Variants in ABI3BP observed in about 807,000 individuals in gnomAD.
The protein encoded by ABI3BP is ABI family member 3 binding protein, also known as target of Nesh-SH3.
ABI3BP carries 216 observed loss-of-function variants against 268.6 expected under a neutral mutation model. The ratio of observed to expected loss-of-function variants is 0.80; its 90% CI spans 0.72 to 0.90. ABI3BP has a LOEUF of 0.90. Among genes scored for constraint, ABI3BP ranks in the 40% least tolerant of loss-of-function variants. ABI3BP has a pLI of 0.00. For missense variants in ABI3BP, 2,090 were observed against 2,182.4 expected (o/e 0.96, Z 0.84); for synonymous variants, 730 against 730.0 (o/e 1.00, Z 0.00).
chr3:100,820,295 T>G lies in ABI3BP; in HGVS notation c.2956A>C (p.Thr986Pro). The part of the protein sequence containing the change: ...ETWVTTQAPK[T>P]SQRTRRPRPK... ...CGTGGACGACGAGTTCGTTGTGATG[T>G]TTTAGGAGCTGAAGAAAGAAAACCT... is the stretch of plus-strand genomic sequence containing the variant. Residue 986 changes from threonine (T) to proline (P), a missense_variant, in exon 40 of 68, where the codon ACA becomes CCA. Thr to Pro is a conservative substitution (Grantham distance 38, BLOSUM62 -1). Coordinates refer to ENST00000471714, the MANE Select transcript of ABI3BP (RefSeq NM_001375547.2). The G allele has an allele frequency of 1.3e-6, 2 of 1,535,692 alleles. No homozygotes were observed. The highest frequency in any genetic ancestry group is 1.7e-6 in the Non-Finnish European group (2 of 1,146,618).
intron 14 of ABI3BP, among the ~76,000 whole-genome samples, chr3:100,853,686 A>G (rs1443285837): frequency 6.6e-6 from 1 of 152,084 alleles, no homozygotes; most frequent in Non-Finnish European, 1.5e-5. Context: ...CATATTTACA[A>G]TTTCTTTTCA....
intron 4 of ABI3BP, among the ~76,000 whole-genome samples, chr3:100,896,752 G>A (rs140332897): frequency 1.3e-5 from 2 of 152,070 alleles, no homozygotes; most frequent in Admixed American, 6.5e-5. Context: ...TCACAAGGAG[G>A]CATGTTCTTT....
At chr3:100,809,791 A>T (rs1356414173) in intron 49 of ABI3BP, among the ~76,000 whole-genome samples, 1 of 152,150 alleles carries the variant, frequency 6.6e-6, no homozygotes, top group Non-Finnish European at 1.5e-5. Flanking sequence ...AACAAGAAGC[A>T]TATTTAGTTA....
intron 14 of ABI3BP, among the ~76,000 whole-genome samples, chr3:100,854,597 A>G (rs2098917898): frequency 6.6e-6 from 1 of 152,262 alleles, no homozygotes; most frequent in African/African-American, 2.4e-5. Flanking sequence ...CCTGTAAATT[A>G]TCATATATTA....
In ABI3BP at chr3:100,906,381, T is replaced by C. The variant is rs2053452031; in HGVS notation, c.260-3695A>G. 2.0e-5 allele frequency among the ~76,000 whole-genome samples: 3 copies of C among 152,242 alleles called. No homozygotes were observed. In the South Asian group the frequency reaches 6.2e-4, roughly 31 times the overall value. On this transcript the variant is annotated intron_variant, in intron 2 of 67. Transcript: ENST00000471714. Reference sequence around the variant, plus strand: ...TGCATGTGTTGGCTCTTACTGCTCATTAAATATTTCCAACATACACATATT... The same window carrying C: ...TGCATGTGTTGGCTCTTACTGCTCACTAAATATTTCCAACATACACATATT...
At chr3:100,871,158 A>T (rs940152115) in intron 9 of ABI3BP, among the ~76,000 whole-genome samples, 5 of 152,246 alleles carry the variant, frequency 3.3e-5, no homozygotes, top group African/African-American at 1.2e-4. Context: ...AAGTGTTAAG[A>T]TTTTTGGTAC....
At chr3:100,884,763 A>G (rs553240853) in intron 6 of ABI3BP, among the ~76,000 whole-genome samples, 87 of 128,730 alleles carry the variant, frequency 6.8e-4, no homozygotes, top group African/African-American at 2.2e-3. Flanking sequence ...TTCTCACCGA[A>G]CTGCCTCCTC....
In ABI3BP at chr3:100,752,889, T is replaced by TA. The variant is rs2095414573; in HGVS notation, c.5019dup (p.Lys1674Ter). On this transcript the variant is annotated frameshift_variant, in exon 66 of 68. Coordinates refer to ENST00000471714, the MANE Select transcript of ABI3BP (RefSeq NM_001375547.2). LOFTEE classifies it high-confidence loss of function. ...GTCCTTTTGACATATTGTTTGCCCT[T>TA]ACACTCTGAGTAAGAGTCTGAATTA... is the stretch of plus-strand genomic sequence containing the variant. The TA allele has an allele frequency of 6.2e-7, 1 of 1,613,628 alleles. No homozygotes were observed. Among genetic ancestry groups the TA allele is most frequent in the Non-Finnish European group, 8.5e-7 (1 of 1,179,732 alleles).
At chr3:100,909,742 C>G (rs1316293339) in intron 2 of ABI3BP, among the ~76,000 whole-genome samples, 1 of 152,000 alleles carries the variant, frequency 6.6e-6, no homozygotes, top group Admixed American at 6.6e-5. Context: ...CCAGGTAGAA[C>G]GCCAATCATT....
chr3:100,805,399 C>T lies in ABI3BP; in HGVS notation c.3683-533G>A, dbSNP rs977291257. Among the ~76,000 whole-genome samples, 8 of 151,968 alleles carry T rather than the reference C, an allele frequency of 5.3e-5. 1 individual carries two copies. Among genetic ancestry groups the T allele is most frequent in the Admixed American group, 5.3e-4 (8 of 15,224 alleles). On this transcript the variant is annotated intron_variant, in intron 50 of 67. Coordinates refer to ENST00000471714, the MANE Select transcript of ABI3BP (RefSeq NM_001375547.2). ...CTGCATTTCTCTGGCTCCAGAGAAA[C>T]CTTCAAATGAATTTGCTGACAACTA...
At chr3:100,849,267 C>G (rs2098811749) in intron 17 of ABI3BP, among the ~76,000 whole-genome samples, 1 of 140,192 alleles carries the variant, frequency 7.1e-6, no homozygotes, top group African/African-American at 2.7e-5. Context: ...CACTCTGTCA[C>G]CCAGGCTGGA....
intron 66 of ABI3BP, 29 bp downstream of exon 66, chr3:100,752,758 C>G: frequency 6.2e-7 from 1 of 1,607,104 alleles, no homozygotes; most frequent in Non-Finnish European, 8.5e-7. Flanking sequence ...AAGTTAAGGG[C>G]TGAAAACAGA....
intron 1 of ABI3BP, among the ~76,000 whole-genome samples, chr3:100,969,969 A>T (rs1277999883): frequency 6.6e-6 from 1 of 152,206 alleles, no homozygotes; most frequent in Non-Finnish European, 1.5e-5. Context: ...TACAAATTTC[A>T]TGTTACATAG....
At chr3:100,961,951 T>G (rs1167896344) in intron 1 of ABI3BP, among the ~76,000 whole-genome samples, 1 of 152,192 alleles carries the variant, frequency 6.6e-6, no homozygotes, top group South Asian at 2.1e-4. Flanking sequence ...TACATCCTTC[T>G]GGAGATATCT....
At chr3:100,867,944 A>C (rs2099070915) in intron 9 of ABI3BP, among the ~76,000 whole-genome samples, 1 of 152,230 alleles carries the variant, frequency 6.6e-6, no homozygotes, top group African/African-American at 2.4e-5. Context: ...AGAAAGTAAC[A>C]TTTCTAAGCC....
At chr3:100,776,663 T>C (rs2096714429) in intron 59 of ABI3BP, among the ~76,000 whole-genome samples, 1 of 152,158 alleles carries the variant, frequency 6.6e-6, no homozygotes, top group Non-Finnish European at 1.5e-5. Context: ...ATGGTTTGGC[T>C]CCTCAGTGCA....
chr3:100,959,612 G>A (rs191365741), intron 1 of ABI3BP, among the ~76,000 whole-genome samples: 1 of 152,034 alleles, frequency 6.6e-6, no homozygotes, highest in Admixed American at 6.5e-5. Flanking sequence ...CTACTGCCCA[G>A]GGGAGCATTT....
At chr3:100,905,397 A>C (rs549415517) in intron 2 of ABI3BP, among the ~76,000 whole-genome samples, 1 of 152,300 alleles carries the variant, frequency 6.6e-6, no homozygotes, top group East Asian at 1.9e-4. Context: ...GGTACCCTAA[A>C]ACTTAAAGTA....
chr3:100,792,141 T>C (rs1402034178), intron 55 of ABI3BP, among the ~76,000 whole-genome samples: 1 of 151,886 alleles, frequency 6.6e-6, no homozygotes, highest in East Asian at 1.9e-4. Flanking sequence ...GCGAGTTCAC[T>C]TCCCCAAAAG....
Sources: gnomAD v4.1 joint callset for allele counts (sites outside exome capture counted in the v4.1 genomes callset) on GRCh38, gnomAD v4.1.1 for gene constraint, MANE v1.5 for transcripts, NCBI Gene and HGNC (gene_info 2026-07-23, HGNC 2026-07-21) for gene names.